TRPS1: variants seen among roughly 807,000 people sequenced by gnomAD.
The protein encoded by TRPS1 is zinc finger transcription factor Trps1.
TRPS1 carries 6 observed loss-of-function variants against 101.2 expected under a neutral mutation model. The observed-to-expected ratio is 0.06, with a 90% CI of 0.03 to 0.12. The LOEUF is 0.12. Among genes scored for constraint, TRPS1 ranks in the 10% least tolerant of loss-of-function variants. The pLI, the probability that TRPS1 is intolerant of heterozygous loss-of-function variation, is 1.00. For missense variants in TRPS1, 1,363 were observed against 1,567.0 expected, an observed-to-expected ratio of 0.87 and a Z score of 2.20; for synonymous variants, 578 against 589.8, an observed-to-expected ratio of 0.98 and a Z score of 0.29.
At chr8:115,447,142 C>G (rs1586282159) in intron 5 of TRPS1, among the ~76,000 whole-genome samples, 1 of 152,142 alleles carries the variant, frequency 6.6e-6, no homozygotes, top group East Asian at 1.9e-4. Context: ...GTTTGAGAGT[C>G]ACTTCCAGTC....
Position 115,422,369 on chromosome 8 carries a change from CT to C in TRPS1, c.2701-3918del, listed in dbSNP as rs776277522. Among the ~76,000 whole-genome samples, 672 of 142,948 alleles carry C rather than the reference CT, an allele frequency of 4.7e-3. 3 individuals carry two copies. Among genetic ancestry groups the C allele is most frequent in the African/African-American group, 0.011 (419 of 39,206 alleles). 93.8% of individuals were successfully genotyped at this position (142,948 alleles called of 152,430 possible). A position where few individuals can be genotyped will look rare whatever the true frequency, so the allele number is the denominator to read the frequency against. ...TCATTGTCCACTCCTACTTTCCACA[CT>C]TTTTTTTTTTTTTTGAGATGGAGCG... is the stretch of plus-strand genomic sequence containing the variant. On this transcript the variant is annotated intron_variant, in intron 5 of 6. Coordinates refer to ENST00000395715, the MANE Select transcript of TRPS1 (RefSeq NM_014112.5).
At chr8:115,491,772 C>T (rs149237918) in intron 5 of TRPS1, among the ~76,000 whole-genome samples, 267 of 152,288 alleles carry the variant, frequency 1.8e-3, no homozygotes, top group South Asian at 3.3e-3. Flanking sequence ...TGCTGAGAAC[C>T]TGTTAGCAAC....
chr8:115,498,048 T>C (rs1586334067), intron 5 of TRPS1, among the ~76,000 whole-genome samples: 1 of 152,174 alleles, frequency 6.6e-6, no homozygotes, highest in South Asian at 2.1e-4. Flanking sequence ...GGCAGAACAA[T>C]GGGCACTACT....
chr8:115,451,560 T>G (rs1813873436), intron 5 of TRPS1, among the ~76,000 whole-genome samples: 1 of 152,184 alleles, frequency 6.6e-6, no homozygotes, highest in Non-Finnish European at 1.5e-5. Flanking sequence ...CAAGAGTTAC[T>G]GCTTCCTGAT....
intron 5 of TRPS1, among the ~76,000 whole-genome samples, chr8:115,468,254 T>C (rs11781900): frequency 0.067 from 10,224 of 152,310 alleles, 468 homozygotes; most frequent in Non-Finnish European, 0.097. Flanking sequence ...TTATTATTTC[T>C]GACATCCTTA....
rs765734157 is a variant in TRPS1, at chr8:115,414,726, T to C, written c.3182A>G (p.Asp1061Gly). Residue 1061 changes from aspartate to glycine, a missense_variant, in exon 7 of 7, where the codon GAT (aspartate) becomes GGT (glycine). By Grantham distance (94) the Asp-to-Gly change is moderately conservative. Coordinates refer to ENST00000395715, the MANE Select transcript of TRPS1 (RefSeq NM_014112.5). This position sits in a 1 kb window ranked among gnomAD's most constrained non-coding sequence, Gnocchi z 4.8. ...AGATACGGATGAACTATTTCCTGGA[T>C]CTCCAGTACTTTCCTGAGGACTTTT... Reference protein sequence around the residue: ...QIKSPQESTGDPGNSSSVSEG... With the variant: ...QIKSPQESTGGPGNSSSVSEG... The C allele has an allele frequency of 3.1e-6, 5 of 1,613,950 alleles. No individual in the cohort carries two copies. The highest frequency in any genetic ancestry group is 4.2e-6 in the Non-Finnish European group (5 of 1,179,962).
Position 115,432,368 on chromosome 8 carries a change from T to C in TRPS1, c.2701-13916A>G, listed in dbSNP as rs1448164976. 5.3e-5 allele frequency among the ~76,000 whole-genome samples: 8 copies of C among 151,962 alleles called. No homozygotes were observed. The South Asian group carries it at 6.2e-4, about 12-fold the overall frequency. On this transcript the variant is annotated intron_variant, in intron 5 of 6. Coordinates refer to ENST00000395715, the MANE Select transcript of TRPS1 (RefSeq NM_014112.5). Reference sequence around the variant, plus strand: ...ACATAGGCCATCCTCTTTCCACCAATTGTTTACAATTTATTTTATCTATAA... The same window carrying C: ...ACATAGGCCATCCTCTTTCCACCAACTGTTTACAATTTATTTTATCTATAA...
chr8:115,633,236 T>A (rs149232833), intron 1 of TRPS1, among the ~76,000 whole-genome samples: 1 of 152,058 alleles, frequency 6.6e-6, no homozygotes, highest in African/African-American at 2.4e-5. Context: ...CAAAAGGGAT[T>A]TCAAAGGGTG....
At chr8:115,575,087 G>A (rs753733531) in intron 5 of TRPS1, among the ~76,000 whole-genome samples, 5 of 152,070 alleles carry the variant, frequency 3.3e-5, no homozygotes, top group African/African-American at 4.8e-5. Context: ...TCCCATAGAG[G>A]AGCCTGACTG....
intron 5 of TRPS1, among the ~76,000 whole-genome samples, chr8:115,490,563 T>G (rs1330477924): frequency 6.6e-6 from 1 of 152,210 alleles, no homozygotes; most frequent in Non-Finnish European, 1.5e-5. Flanking sequence ...AGCTATAAAC[T>G]TAGTACAATA....
chr8:115,623,140 T>C (rs901961387), intron 2 of TRPS1, among the ~76,000 whole-genome samples: 2 of 152,062 alleles, frequency 1.3e-5, no homozygotes, highest in African/African-American at 2.4e-5. Context: ...CAAGAACAGA[T>C]ACTTAGAACA....
intron 1 of TRPS1, 180 bp downstream of exon 1, chr8:115,668,365 T>TTC (rs1204528742): frequency 3.5e-5 from 5 of 143,210 alleles, no homozygotes; most frequent in African/African-American, 1.3e-4. Flanking sequence ...TTTTTTTTTT[T>TTC]CAAAGAAAGT....
Position 115,561,268 on chromosome 8 carries a change from G to A in TRPS1, c.2700+25733C>T, listed in dbSNP as rs574020323. Among the ~76,000 whole-genome samples the A allele has an allele frequency of 1.6e-4, 25 of 152,146 alleles. 1 individual carries two copies. In the South Asian group the frequency reaches 3.3e-3, roughly 20 times the overall value. On this transcript the variant is annotated intron_variant, in intron 5 of 6. Transcript: ENST00000395715. Reference sequence around the variant, plus strand: ...TCTTCCCTGACAGGCTGAAAACACCGTGAAGGCAAGGCGTGCATCTTGGCA... The same window carrying A: ...TCTTCCCTGACAGGCTGAAAACACCATGAAGGCAAGGCGTGCATCTTGGCA...
intron 5 of TRPS1, among the ~76,000 whole-genome samples, chr8:115,561,742 A>G (rs935709838): frequency 6.6e-6 from 1 of 152,048 alleles, no homozygotes; most frequent in African/African-American, 2.4e-5. Flanking sequence ...CATGCAAGAA[A>G]AATGCAAGAA....
At chr8:115,448,886 C>T (rs931349596) in intron 5 of TRPS1, among the ~76,000 whole-genome samples, 2 of 152,060 alleles carry the variant, frequency 1.3e-5, no homozygotes, top group African/African-American at 2.4e-5. Context: ...AAAACTTCGT[C>T]GATCATCTTT....
At chr8:115,502,300 T>C (rs1446059328) in intron 5 of TRPS1, among the ~76,000 whole-genome samples, 2 of 152,100 alleles carry the variant, frequency 1.3e-5, no homozygotes, top group Admixed American at 6.6e-5. Flanking sequence ...TAGAATCCAA[T>C]TGCTTAAAAC....
chr8:115,510,615 C>T (rs1441433565), intron 5 of TRPS1, among the ~76,000 whole-genome samples: 1 of 151,916 alleles, frequency 6.6e-6, no homozygotes, highest in Admixed American at 6.6e-5. Context: ...GATTGAAAAT[C>T]TTTGGCATTG....
intron 1 of TRPS1, among the ~76,000 whole-genome samples, chr8:115,637,923 T>C (rs1818807444): frequency 6.6e-6 from 1 of 152,182 alleles, no homozygotes. Context: ...CCTGATCCAT[T>C]ATAATTCTTA....
At chr8:115,644,052 C>T (rs769041391) in intron 1 of TRPS1, among the ~76,000 whole-genome samples, 1 of 152,328 alleles carries the variant, frequency 6.6e-6, no homozygotes, top group Non-Finnish European at 1.5e-5. Context: ...GTAAACCATA[C>T]TGTAAACAAA....
Sources: allele counts gnomAD v4.1 joint callset (sites outside exome capture counted in the v4.1 genomes callset), GRCh38; gene constraint gnomAD v4.1.1; non-coding constraint Gnocchi (gnomAD v3.1); transcripts MANE v1.5; gene names NCBI Gene and HGNC (gene_info 2026-07-23, HGNC 2026-07-21).